The following GPR137C variants were observed in gnomAD, a reference collection of about 807,000 sequenced individuals.
GPR137C encodes integral membrane protein GPR137C.
Under a neutral mutation model 43.4 loss-of-function variants are expected in GPR137C, and 27 were observed. The ratio of observed to expected loss-of-function variants is 0.62; its 90% CI spans 0.46 to 0.86. GPR137C has a LOEUF of 0.86. Ranked by LOEUF, GPR137C falls within the 40% of genes least tolerant of loss-of-function variation. The probability of loss-of-function intolerance (pLI) is 0.00; values close to 1 mark genes in which losing one functional copy is unlikely to be tolerated. For synonymous variants in GPR137C, 285 were observed against 226.9 expected (o/e 1.26, Z -2.30); for missense variants, 522 against 534.6 (o/e 0.98, Z 0.23).
chr14:52,634,031 A>G (rs2039324368), intron 6 of GPR137C, 85 bp downstream of exon 6: 1 of 829,492 alleles, frequency 1.2e-6, no homozygotes, highest in Admixed American at 2.1e-5. Context: ...AAATATGAAA[A>G]AAGGTGATTT....
chr14:52,581,731 A>C (rs1002273579), intron 1 of GPR137C, among the ~76,000 whole-genome samples: 4 of 152,194 alleles, frequency 2.6e-5, no homozygotes, highest in African/African-American at 7.2e-5. Flanking sequence ...CATCTACTTA[A>C]TTGGATATGT....
chr14:52,554,725 A>C (rs961620602), intron 1 of GPR137C, among the ~76,000 whole-genome samples: 2 of 152,180 alleles, frequency 1.3e-5, no homozygotes, highest in Non-Finnish European at 2.9e-5. Context: ...AAAAAAAAAA[A>C]AATGACGTAT....
chr14:52,602,922 G>A (rs1309872016), intron 3 of GPR137C, among the ~76,000 whole-genome samples: 1 of 152,034 alleles, frequency 6.6e-6, no homozygotes, highest in Non-Finnish European at 1.5e-5. Flanking sequence ...GGGTAATTGG[G>A]ATATCATCAC....
At chr14:52,620,420 T>C (rs2039147113) in intron 3 of GPR137C, among the ~76,000 whole-genome samples, 1 of 152,108 alleles carries the variant, frequency 6.6e-6, no homozygotes, top group East Asian at 1.9e-4. Context: ...GTTTGGGATT[T>C]CAGTTCAGCC....
rs1482817231 is a variant in GPR137C, at chr14:52,637,352, A to C, written c.*2237A>C. ...TTCCCTGTTCATCCTGCACTGAAGC[A>C]CATGATGACAGTATCAAACCTTCAT... On this transcript the variant is annotated 3_prime_UTR_variant, in exon 7 of 7. Transcript: ENST00000321662. 1 of 152,186 alleles carries C rather than the reference A, an allele frequency of 6.6e-6. No homozygotes were observed. Among genetic ancestry groups the C allele is most frequent in the Non-Finnish European group, 1.5e-5 (1 of 68,008 alleles). The allele number at this position is 152,186 out of a possible 1,614,324, so 9.4% of individuals were successfully genotyped here.
At chr14:52,612,311 A>G (rs2039047016) in intron 3 of GPR137C, 1 of 891,934 alleles carries the variant, frequency 1.1e-6, no homozygotes, top group Non-Finnish European at 1.3e-6. Context: ...TTCTCATGCT[A>G]TTAAAAATTA....
rs1436548371 is a variant in GPR137C, at chr14:52,552,918, G to C, written c.-230G>C. 1.3e-5 allele frequency among the ~76,000 whole-genome samples: 2 copies of C among 151,842 alleles called. No individual in the cohort carries two copies. The highest frequency in any genetic ancestry group is 1.5e-5 in the Non-Finnish European group (1 of 67,906). On this transcript the variant is annotated 5_prime_UTR_variant, in exon 1 of 7. Coordinates refer to ENST00000321662, the MANE Select transcript of GPR137C (RefSeq NM_001099652.2). ...AGTTGTTTTTTGCAGCTACGGAGCC[G>C]AGCCGCAGCAGGAGGAGCCGAGACC...
intron 1 of GPR137C, among the ~76,000 whole-genome samples, chr14:52,555,534 G>T (rs765169436): frequency 6.6e-6 from 1 of 152,294 alleles, no homozygotes; most frequent in Middle Eastern, 3.4e-3. Flanking sequence ...AATTCTGAAG[G>T]TATGCTTATA....
chr14:52,593,481 G>T (rs947573058), intron 1 of GPR137C, among the ~76,000 whole-genome samples: 1 of 152,080 alleles, frequency 6.6e-6, no homozygotes, highest in Non-Finnish European at 1.5e-5. Context: ...TGGTTAGTAG[G>T]CTATTAATTA....
intron 1 of GPR137C, among the ~76,000 whole-genome samples, chr14:52,565,498 T>C (rs2038355432): frequency 6.6e-6 from 1 of 152,228 alleles, no homozygotes. Flanking sequence ...CATCTATGTC[T>C]GCTTTGCCCC....
Position 52,612,288 on chromosome 14 carries a change from C to G in GPR137C, c.717+11947C>G, listed in dbSNP as rs147013999. The G allele has an allele frequency of 5.1e-4, 467 of 910,642 alleles. 1 individual carries two copies. The highest frequency in any genetic ancestry group is 5.8e-4 in the Non-Finnish European group (440 of 761,820). The allele number at this position is 910,642 out of a possible 1,614,324, so 56.4% of individuals were successfully genotyped here. On this transcript the variant is annotated intron_variant, in intron 3 of 6. Coordinates refer to ENST00000321662, the MANE Select transcript of GPR137C (RefSeq NM_001099652.2). ...TTTATACCCTGCTTTTCCCCTTATA[C>G]TAGTAAAGGATTTTCTCATGCTATT...
At chr14:52,622,895 G>A (rs1249717103) in intron 3 of GPR137C, among the ~76,000 whole-genome samples, 1 of 151,918 alleles carries the variant, frequency 6.6e-6, no homozygotes, top group Non-Finnish European at 1.5e-5. Flanking sequence ...CTTTTTTTAA[G>A]TACAAGTGCA....
intron 1 of GPR137C, among the ~76,000 whole-genome samples, chr14:52,593,796 AT>A (rs58228143): frequency 0.91 from 138,905 of 152,058 alleles, 63,627 homozygotes; most frequent in East Asian, 1. Flanking sequence ...GGATTCATTG[AT>A]TTTTTTGAAG....
intron 3 of GPR137C, among the ~76,000 whole-genome samples, chr14:52,609,400 G>A (rs1421472298): frequency 6.6e-6 from 1 of 152,072 alleles, no homozygotes; most frequent in Non-Finnish European, 1.5e-5. Context: ...ATCACTTTGG[G>A]GTAAGTGGCA....
chr14:52,594,467 T>C (rs2038825499), intron 1 of GPR137C, among the ~76,000 whole-genome samples: 1 of 152,174 alleles, frequency 6.6e-6, no homozygotes. Context: ...TCTTTGTAGA[T>C]CTCTAAGGAC....
At chr14:52,555,507 G>C (rs1454100755) in intron 1 of GPR137C, among the ~76,000 whole-genome samples, 1 of 152,136 alleles carries the variant, frequency 6.6e-6, no homozygotes, top group African/African-American at 2.4e-5. Flanking sequence ...CAAAAAAGGA[G>C]ATATATTTAA....
At chr14:52,555,244 G>T (rs1036454190) in intron 1 of GPR137C, among the ~76,000 whole-genome samples, 3 of 152,076 alleles carry the variant, frequency 2.0e-5, no homozygotes, top group African/African-American at 7.2e-5. Flanking sequence ...TAATATGAAT[G>T]ATTCACTGTA....
At chr14:52,614,227 C>T (rs1195316004) in intron 3 of GPR137C, among the ~76,000 whole-genome samples, 3 of 151,262 alleles carry the variant, frequency 2.0e-5, no homozygotes, top group African/African-American at 4.9e-5. Flanking sequence ...CTCAATCAGT[C>T]CTCCCACTTC....
intron 3 of GPR137C, among the ~76,000 whole-genome samples, chr14:52,621,862 A>G (rs982642624): frequency 2.6e-5 from 4 of 151,658 alleles, no homozygotes; most frequent in Non-Finnish European, 4.4e-5. Context: ...TACAAATCAT[A>G]CTATAAATAA....
Sources: gnomAD v4.1 joint callset for allele counts (sites outside exome capture counted in the v4.1 genomes callset) on GRCh38, gnomAD v4.1.1 for gene constraint, MANE v1.5 for transcripts, NCBI Gene and HGNC (gene_info 2026-07-23, HGNC 2026-07-21) for gene names.